The following SORBS2 variants were observed in gnomAD, a reference collection of about 807,000 sequenced individuals.
SORBS2 encodes the protein sorbin and SH3 domain containing 2.
A neutral mutation model predicts 97.7 loss-of-function variants in SORBS2; 46 were observed. The observed-to-expected ratio is 0.47, with a 90% confidence interval of 0.37 to 0.60. The LOEUF (loss-of-function observed/expected upper bound fraction) is 0.60. SORBS2 is among the 20% of genes least tolerant of loss of function. The pLI is 0.00. For synonymous variants in SORBS2, 476 were observed against 473.4 expected, an observed-to-expected ratio of 1.01 and a Z score of -0.07; for missense variants, 1,316 against 1,282.3, an observed-to-expected ratio of 1.03 and a Z score of -0.40.
intron 2 of SORBS2, among the ~76,000 whole-genome samples, chr4:185,708,073 T>C (rs539104355): frequency 6.6e-6 from 1 of 152,154 alleles, no homozygotes; most frequent in Non-Finnish European, 1.5e-5. Flanking sequence ...TCTCCTAGGC[T>C]TCAGTGTTAA....
chr4:185,953,436 C>G (rs2099278160), intron 1 of SORBS2, among the ~76,000 whole-genome samples: 1 of 152,244 alleles, frequency 6.6e-6, no homozygotes, highest in Admixed American at 6.5e-5. Context: ...TTGGAAAAAT[C>G]TCTCTTCTAC....
intron 4 of SORBS2, among the ~76,000 whole-genome samples, chr4:185,633,941 T>C (rs2096950961): frequency 1.3e-5 from 2 of 152,190 alleles, no homozygotes; most frequent in Non-Finnish European, 2.9e-5. Context: ...TCTTGGGTTG[T>C]TCATATGTTG....
chr4:185,919,007 G>T (rs1029277249), intron 1 of SORBS2, among the ~76,000 whole-genome samples: 2 of 152,158 alleles, frequency 1.3e-5, no homozygotes, highest in Non-Finnish European at 2.9e-5. Context: ...GAAAAGCTTT[G>T]TAACTCTTTA....
intron 12 of SORBS2, among the ~76,000 whole-genome samples, chr4:185,604,142 T>C (rs1486260110): frequency 6.6e-6 from 1 of 152,250 alleles, no homozygotes; most frequent in African/African-American, 2.4e-5. Context: ...TAATTTGTTT[T>C]TCTCCTCAAT....
intron 1 of SORBS2, among the ~76,000 whole-genome samples, chr4:185,875,308 G>T (rs7675409): frequency 0.43 from 65,396 of 151,934 alleles, 15,298 homozygotes; most frequent in East Asian, 0.72. Context: ...TTAGCTTGAG[G>T]TGGCCATCCC....
Position 185,786,980 on chromosome 4 carries a change from C to CAAA in SORBS2, c.-337-11617_-337-11615dup, listed in dbSNP as rs57734265. Among the ~76,000 whole-genome samples, 160 of 100,258 alleles carry CAAA rather than the reference C, an allele frequency of 1.6e-3. 6 individuals carry two copies. Among genetic ancestry groups the CAAA allele is most frequent in the Admixed American group, 8.8e-3 (74 of 8,370 alleles). The allele number at this position is 100,258 out of a possible 152,430, so 65.8% of individuals were successfully genotyped here. ...TTTTTTTTTTTTTGAGGCTCTGTCT[C>CAAA]AAAAAAAAAAAAAAATAGCAGACAA... On this transcript the variant is annotated intron_variant, in intron 1 of 20. Transcript: ENST00000284776.
chr4:185,779,845 T>TC (rs567381858), intron 1 of SORBS2, among the ~76,000 whole-genome samples: 1 of 152,102 alleles, frequency 6.6e-6, no homozygotes, highest in Non-Finnish European at 1.5e-5. Flanking sequence ...AGCAAGACCA[T>TC]CTGAAACACT....
intron 1 of SORBS2, among the ~76,000 whole-genome samples, chr4:185,903,752 G>A (rs1053368565): frequency 2.6e-5 from 4 of 152,144 alleles, no homozygotes; most frequent in African/African-American, 4.8e-5. Context: ...TGATCTTTCC[G>A]AGTTTCAGAT....
At chr4:185,622,575 G>C (rs1468951767) in intron 7 of SORBS2, among the ~76,000 whole-genome samples, 2 of 152,172 alleles carry the variant, frequency 1.3e-5, no homozygotes, top group African/African-American at 4.8e-5. Context: ...GGAACTATAG[G>C]TTTTGATTCA....
At chr4:185,624,325 G>A (rs772180081) in exon 7 of SORBS2, 12 of 1,613,998 alleles carry the variant, frequency 7.4e-6, no homozygotes, top group East Asian at 6.7e-5. Flanking sequence ...AGATTTCTGC[G>A]TTTTGCCGGG....
chr4:185,593,914 G>A (rs763846964), exon 13 of SORBS2: 1 of 1,606,636 alleles, frequency 6.2e-7, no homozygotes, highest in Admixed American at 1.7e-5. Flanking sequence ...ATATTTTCAT[G>A]AGTAAACACA....
At chr4:185,898,462 A>G (rs2099246054) in intron 1 of SORBS2, among the ~76,000 whole-genome samples, 1 of 152,228 alleles carries the variant, frequency 6.6e-6, no homozygotes, top group Non-Finnish European at 1.5e-5. Context: ...TAAATCAATC[A>G]CACTCTATTC....
At chr4:185,796,280 G>C (rs2099104131) in intron 1 of SORBS2, among the ~76,000 whole-genome samples, 1 of 152,164 alleles carries the variant, frequency 6.6e-6, no homozygotes, top group Non-Finnish European at 1.5e-5. Flanking sequence ...ATCTTATAAA[G>C]GAAATCCTAT....
chr4:185,827,842 G>A (rs1044710817), intron 1 of SORBS2, among the ~76,000 whole-genome samples: 20 of 108,108 alleles, frequency 1.8e-4, no homozygotes, highest in Non-Finnish European at 2.4e-4. Flanking sequence ...CATCATCATC[G>A]TCACCATCAT....
At chr4:185,663,084 C>T (rs1162732483) in intron 4 of SORBS2, among the ~76,000 whole-genome samples, 1 of 152,114 alleles carries the variant, frequency 6.6e-6, no homozygotes, top group East Asian at 1.9e-4. Context: ...AGATATCGAG[C>T]TCAGGACTAT....
chr4:185,749,388 A>G (rs1041006927), intron 2 of SORBS2, among the ~76,000 whole-genome samples: 2 of 152,212 alleles, frequency 1.3e-5, no homozygotes, highest in Non-Finnish European at 2.9e-5. Context: ...TGCCTTCTTG[A>G]TATCCCATTG....
chr4:185,695,822 A>C (rs1194311809), intron 2 of SORBS2, among the ~76,000 whole-genome samples: 1 of 152,216 alleles, frequency 6.6e-6, no homozygotes, highest in Non-Finnish European at 1.5e-5. Context: ...AAATAGTCAC[A>C]TGAAAACTCC....
intron 2 of SORBS2, among the ~76,000 whole-genome samples, chr4:185,741,705 G>A (rs1381061599): frequency 2.0e-5 from 3 of 151,920 alleles, no homozygotes; most frequent in Non-Finnish European, 4.4e-5. Context: ...TTGTGGCCCT[G>A]CTTGAACACA....
chr4:185,686,439 G>T, intron 2 of SORBS2, among the ~76,000 whole-genome samples: 1 of 152,058 alleles, frequency 6.6e-6, no homozygotes, highest in East Asian at 1.9e-4. Context: ...AATATTAAAA[G>T]AAAATGAACC....
Sources: allele counts gnomAD v4.1 joint callset (sites outside exome capture counted in the v4.1 genomes callset), GRCh38; gene constraint gnomAD v4.1.1; transcripts MANE v1.5; gene names NCBI Gene and HGNC (gene_info 2026-07-23, HGNC 2026-07-21).